SYT1: variants seen among roughly 807,000 people sequenced by gnomAD.
SYT1 encodes synaptotagmin-1.
In SYT1, 8 loss-of-function variants were observed where a neutral mutation model predicts 44.8. That is an observed-to-expected ratio of 0.18 (90% CI 0.10 to 0.32). The LOEUF (loss-of-function observed/expected upper bound fraction) is 0.32. Among genes scored for constraint, SYT1 ranks in the 10% least tolerant of loss-of-function variants. The pLI is 1.00. For synonymous variants in SYT1, 154 were observed against 188.8 expected (o/e 0.82, Z 1.51); for missense variants, 286 against 509.3 (o/e 0.56, Z 4.22).
intron 3 of SYT1, among the ~76,000 whole-genome samples, chr12:79,161,849 T>C (rs1263855378): frequency 6.6e-6 from 1 of 152,060 alleles, no homozygotes; most frequent in Non-Finnish European, 1.5e-5. Context: ...GAGTATAATA[T>C]CAAACCCAAA....
chr12:79,283,206 G>A (rs1377317089), intron 4 of SYT1, among the ~76,000 whole-genome samples: 1 of 152,020 alleles, frequency 6.6e-6, no homozygotes, highest in Non-Finnish European at 1.5e-5. Context: ...AATACATTGT[G>A]AAGAAAATTC....
intron 3 of SYT1, among the ~76,000 whole-genome samples, chr12:79,211,975 T>C (rs1874486560): frequency 6.6e-6 from 1 of 152,218 alleles, no homozygotes; most frequent in African/African-American, 2.4e-5. Flanking sequence ...TATTTTAATT[T>C]GCAGTTCTTT....
At chr12:78,973,480 A>C (rs951830662) in intron 1 of SYT1, among the ~76,000 whole-genome samples, 4 of 152,116 alleles carry the variant, frequency 2.6e-5, no homozygotes, top group Non-Finnish European at 5.9e-5. Context: ...CTACCATATC[A>C]TCCAGCAAGC....
intron 3 of SYT1, among the ~76,000 whole-genome samples, chr12:79,063,323 G>C (rs1463519950): frequency 2.0e-5 from 3 of 152,162 alleles, no homozygotes; most frequent in Non-Finnish European, 4.4e-5. Context: ...TGCCCTTGAA[G>C]AGTTTGTGGG....
At chr12:79,242,746 C>T (rs1327341305) in intron 4 of SYT1, among the ~76,000 whole-genome samples, 1 of 152,144 alleles carries the variant, frequency 6.6e-6, no homozygotes, top group East Asian at 1.9e-4. Context: ...CATACTGCCT[C>T]CTCCTCCCAA....
intron 9 of SYT1, among the ~76,000 whole-genome samples, chr12:79,366,691 A>G (rs1883555908): frequency 1.3e-5 from 2 of 152,240 alleles, no homozygotes; most frequent in Non-Finnish European, 2.9e-5. Flanking sequence ...CAGTCTGTTC[A>G]TCTATAAAAC....
intron 2 of SYT1, among the ~76,000 whole-genome samples, chr12:79,000,081 C>T (rs992085026): frequency 4.6e-5 from 7 of 152,174 alleles, no homozygotes; most frequent in Non-Finnish European, 8.8e-5. Context: ...ATAGGACAGA[C>T]AACATCTCTA....
At chr12:79,015,217 TAAAATAA>T (rs1325683859) in intron 2 of SYT1, among the ~76,000 whole-genome samples, 2 of 151,728 alleles carry the variant, frequency 1.3e-5, no homozygotes. Context: ...ATAATAATAA[TAAAATAA>T]AAAATAAAAA....
chr12:78,941,434 C>CACACACACAT (rs1491424889), intron 1 of SYT1, among the ~76,000 whole-genome samples: 110 of 141,732 alleles, frequency 7.8e-4, no homozygotes, highest in Admixed American at 2.7e-3. Context: ...CACACACACA[C>CACACACACAT]ATTATGTAAT....
At chr12:79,162,088 C>T (rs1425408464) in intron 3 of SYT1, among the ~76,000 whole-genome samples, 1 of 151,932 alleles carries the variant, frequency 6.6e-6, no homozygotes, top group Non-Finnish European at 1.5e-5. Context: ...ATTTCTCTAC[C>T]ATAAGAAAGC....
At chr12:79,159,812 C>A (rs1170689560) in intron 3 of SYT1, among the ~76,000 whole-genome samples, 1 of 152,020 alleles carries the variant, frequency 6.6e-6, no homozygotes, top group Non-Finnish European at 1.5e-5. Context: ...AAAAATACTT[C>A]CAGTTAAACA....
intron 2 of SYT1, among the ~76,000 whole-genome samples, chr12:78,994,848 C>T (rs868363429): frequency 6.6e-6 from 1 of 152,024 alleles, no homozygotes; most frequent in Non-Finnish European, 1.5e-5. Context: ...ATTTTTGAAA[C>T]GAATGTTTCC....
intron 3 of SYT1, among the ~76,000 whole-genome samples, chr12:79,088,506 A>G (rs914825332): frequency 6.6e-6 from 1 of 152,076 alleles, no homozygotes; most frequent in Non-Finnish European, 1.5e-5. Flanking sequence ...TGGCTGAGGA[A>G]GGGAGTAAAT....
At position 79,180,101 on chromosome 12, in the gene SYT1, CTAAAGA is replaced by C. The variant is rs1347230884; in HGVS notation, c.-17-37397_-17-37392del. Among the ~76,000 whole-genome samples the C allele has an allele frequency of 8.6e-5, 13 of 152,044 alleles. No individual in the cohort carries two copies. In the East Asian group the frequency reaches 2.3e-3, roughly 27 times the overall value. On this transcript the variant is annotated intron_variant, in intron 3 of 10. Transcript: ENST00000261205. ...AGTGGGATTGCAAAGAGAAGAGTTA[CTAAAGA>C]TAAATACTTTTGTCAGATATTGCCA...
chr12:79,020,852 G>C (rs1308414123), intron 2 of SYT1, among the ~76,000 whole-genome samples: 1 of 151,880 alleles, frequency 6.6e-6, no homozygotes, highest in Non-Finnish European at 1.5e-5. Flanking sequence ...CTAATGGGTG[G>C]TAAAGTAAAA....
chr12:79,133,664 G>T (rs1342415783), intron 3 of SYT1, among the ~76,000 whole-genome samples: 1 of 152,028 alleles, frequency 6.6e-6, no homozygotes, highest in Non-Finnish European at 1.5e-5. Flanking sequence ...ATGTATAAAA[G>T]ACAATATGGA....
At chr12:79,319,166 T>TA (rs1238062224) in intron 8 of SYT1, among the ~76,000 whole-genome samples, 1 of 152,176 alleles carries the variant, frequency 6.6e-6, no homozygotes, top group Non-Finnish European at 1.5e-5. Flanking sequence ...AATTTTGGTT[T>TA]AAAAAATGCC....
intron 4 of SYT1, among the ~76,000 whole-genome samples, chr12:79,219,286 C>T (rs1251464317): frequency 6.6e-6 from 1 of 151,816 alleles, no homozygotes; most frequent in African/African-American, 2.4e-5. Context: ...CAAATATTTT[C>T]TCCCCTTCTG....
At chr12:78,994,742 G>T (rs60987693) in intron 2 of SYT1, among the ~76,000 whole-genome samples, 12,754 of 151,758 alleles carry the variant, frequency 0.084, 659 homozygotes, top group African/African-American at 0.14. Flanking sequence ...TCACCTTCTT[G>T]GCCAGGCTGG....
Sources: allele counts gnomAD v4.1 joint callset (sites outside exome capture counted in the v4.1 genomes callset), GRCh38; gene constraint gnomAD v4.1.1; transcripts MANE v1.5; gene names NCBI Gene and HGNC (gene_info 2026-07-23, HGNC 2026-07-21).